Variants in ADCY9 observed in about 807,000 individuals in gnomAD.
The protein encoded by ADCY9 is adenylate cyclase 9.
A neutral mutation model predicts 101.5 loss-of-function variants in ADCY9; 50 were observed. That is an observed-to-expected ratio of 0.49 (90% CI 0.39 to 0.62). ADCY9 has a LOEUF of 0.62. Ranked by LOEUF, ADCY9 falls within the 20% of genes least tolerant of loss-of-function variation. The pLI is 0.00. For missense variants in ADCY9, 1,662 were observed against 1,800.4 expected (o/e 0.92, Z 1.39); for synonymous variants, 905 against 769.3 (o/e 1.18, Z -2.92).
chr16:4,016,826 G>C lies in ADCY9; in HGVS notation c.1694-9268C>G, dbSNP rs142691889. Among the ~76,000 whole-genome samples the C allele has an allele frequency of 9.2e-5, 14 of 152,336 alleles. No homozygotes were observed. In the East Asian group the frequency reaches 2.7e-3, roughly 29 times the overall value. On this transcript the variant is annotated intron_variant, in intron 2 of 10. Transcript: ENST00000294016. Reference sequence around the variant, plus strand: ...ATGAGTGGCTGCCATGGGTTTAGGAGAGAGAGGGTGTAACTGCTAACGGAT... The same window carrying C: ...ATGAGTGGCTGCCATGGGTTTAGGACAGAGAGGGTGTAACTGCTAACGGAT...
chr16:3,982,077 G>T (rs1258492380), intron 7 of ADCY9: 2 of 152,702 alleles, frequency 1.3e-5, no homozygotes, highest in East Asian at 3.8e-4. Context: ...CCAGGAAGAG[G>T]GCTGCTCGCT....
chr16:3,955,566 C>T (rs535437317), intron 5 of ADCY9, among the ~76,000 whole-genome samples: 3 of 150,992 alleles, frequency 2.0e-5, no homozygotes, highest in Admixed American at 6.6e-5. Flanking sequence ...TTGTTTTAGA[C>T]GGAGTCTTGC....
At chr16:3,969,071 G>A (rs1467667325) in intron 10 of ADCY9, among the ~76,000 whole-genome samples, 13 of 151,792 alleles carry the variant, frequency 8.6e-5, no homozygotes, top group African/African-American at 2.7e-4. Context: ...TGATCCACCC[G>A]CCTCGGCCTC....
At position 4,115,353 on chromosome 16, in the gene ADCY9, G is replaced by A. The variant is rs528044001; in HGVS notation, c.90C>T (p.Val30=). 6.2e-7 allele frequency: 1 copy of A among 1,612,252 alleles called. No individual in the cohort carries two copies. Among genetic ancestry groups the A allele is most frequent in the Non-Finnish European group, 8.5e-7 (1 of 1,179,432 alleles). ...DSSGDSNSVR[V]KINPKQLSSN... ...AGGACAGCTGCTTGGGGTTGATCTT[G>A]ACGCGCACGCTGTTGCTGTCCCCGC... The change falls in exon 2 of 11, where the codon GTC becomes GTT. Residue 30 remains valine (V), a synonymous_variant. Coordinates refer to ENST00000294016, the MANE Select transcript of ADCY9 (RefSeq NM_001116.4). This position sits in a 1 kb window ranked among gnomAD's most constrained non-coding sequence, Gnocchi z 6.2.
intron 2 of ADCY9, among the ~76,000 whole-genome samples, chr16:4,090,213 C>T (rs2056964882): frequency 1.3e-5 from 2 of 152,136 alleles, no homozygotes; most frequent in Admixed American, 6.5e-5. Context: ...CCAAGCCCAA[C>T]TTAGCAAATA....
At chr16:4,029,356 A>T (rs975198026) in intron 2 of ADCY9, among the ~76,000 whole-genome samples, 4 of 152,216 alleles carry the variant, frequency 2.6e-5, no homozygotes, top group South Asian at 2.1e-4. Context: ...CAAAAATGGC[A>T]ATTTCGTAGT....
At chr16:4,017,256 G>T (rs1484343211) in intron 2 of ADCY9, among the ~76,000 whole-genome samples, 1 of 150,230 alleles carries the variant, frequency 6.7e-6, no homozygotes, top group Non-Finnish European at 1.5e-5. Context: ...ATTTAGAGAA[G>T]AAATAAAATA....
intron 2 of ADCY9, among the ~76,000 whole-genome samples, chr16:4,009,071 C>T (rs1220466450): frequency 2.0e-5 from 3 of 152,188 alleles, no homozygotes; most frequent in Admixed American, 6.5e-5. Flanking sequence ...CATCTCATCA[C>T]TTCACCTCCC....
At chr16:4,057,038 GCCCCC>G (rs375745334) in intron 2 of ADCY9, among the ~76,000 whole-genome samples, 2 of 83,514 alleles carry the variant, frequency 2.4e-5, no homozygotes, top group Admixed American at 1.3e-4. Flanking sequence ...TGATGAAACC[GCCCCC>G]CCCCCCCCCG....
intron 2 of ADCY9, among the ~76,000 whole-genome samples, chr16:4,016,266 T>G (rs1210797779): frequency 6.6e-6 from 1 of 152,150 alleles, no homozygotes; most frequent in African/African-American, 2.4e-5. Flanking sequence ...AGGTCTGCAA[T>G]AACTATTAAG....
intron 2 of ADCY9, among the ~76,000 whole-genome samples, chr16:4,077,276 C>G (rs947857449): frequency 3.5e-4 from 53 of 152,204 alleles, no homozygotes; most frequent in Non-Finnish European, 5.3e-4. Context: ...TTGTCCCCCC[C>G]CGAGGACACT....
chr16:4,085,796 C>T (rs1300930947), intron 2 of ADCY9, among the ~76,000 whole-genome samples: 3 of 151,976 alleles, frequency 2.0e-5, no homozygotes, highest in South Asian at 2.1e-4. Context: ...GGGGCCCAGA[C>T]GTCTGTGTTT....
At chr16:4,086,153 G>A (rs2056936903) in intron 2 of ADCY9, among the ~76,000 whole-genome samples, 2 of 151,392 alleles carry the variant, frequency 1.3e-5, no homozygotes, top group Admixed American at 6.6e-5. Flanking sequence ...ACAGATGAAG[G>A]ACAAGGAGAA....
rs76750792 is a variant in ADCY9 at position 4,097,487 on chromosome 16, T to TATATATATACACACACAC, written c.1693+16262_1693+16263insGTGTGTGTGTATATATAT. On this transcript the variant is annotated intron_variant, in intron 2 of 10. Transcript: ENST00000294016. ...ATATATATATATATATATATATATA[T>TATATATATACACACACAC]ACACACACACACACTATATATATGT... Among the ~76,000 whole-genome samples, 359 of 72,294 alleles carry TATATATATACACACACAC rather than the reference T, an allele frequency of 5.0e-3. 3 individuals are homozygous for TATATATATACACACACAC. Among genetic ancestry groups the TATATATATACACACACAC allele is most frequent in the Non-Finnish European group, 6.9e-3 (259 of 37,542 alleles). The allele number at this position is 72,294 out of a possible 152,430, so 47.4% of individuals were successfully genotyped here.
intron 2 of ADCY9, among the ~76,000 whole-genome samples, chr16:4,081,312 C>T (rs565151135): frequency 6.6e-6 from 1 of 152,216 alleles, no homozygotes; most frequent in Admixed American, 6.5e-5. Flanking sequence ...AAGCCATCTC[C>T]ACCTCCTGCT....
chr16:3,972,545 T>C (rs1181720780), intron 10 of ADCY9, among the ~76,000 whole-genome samples: 1 of 152,196 alleles, frequency 6.6e-6, no homozygotes, highest in African/African-American at 2.4e-5. Context: ...AAAAGAGGCA[T>C]TTCATGTGAC....
chr16:4,024,062 G>A (rs1008835010), intron 2 of ADCY9, among the ~76,000 whole-genome samples: 1 of 149,952 alleles, frequency 6.7e-6, no homozygotes, highest in African/African-American at 2.5e-5. Flanking sequence ...TTGCTCTGTT[G>A]CCCAGGCTGG....
chr16:4,098,586 T>G (rs1323383034), intron 2 of ADCY9, among the ~76,000 whole-genome samples: 2 of 152,174 alleles, frequency 1.3e-5, no homozygotes, highest in East Asian at 1.9e-4. Context: ...TTATCAGGCA[T>G]GTATTATATG....
chr16:4,014,209 C>T (rs921375286), intron 2 of ADCY9, among the ~76,000 whole-genome samples: 2 of 151,692 alleles, frequency 1.3e-5, no homozygotes, highest in African/African-American at 4.8e-5. Flanking sequence ...ATCCCAGCTA[C>T]TCAGGAGGTT....
Sources: allele counts gnomAD v4.1 joint callset (sites outside exome capture counted in the v4.1 genomes callset), GRCh38; gene constraint gnomAD v4.1.1; non-coding constraint Gnocchi (gnomAD v3.1); transcripts MANE v1.5; gene names NCBI Gene and HGNC (gene_info 2026-07-23, HGNC 2026-07-21).